CTSL: variants seen among roughly 807,000 people sequenced by gnomAD.
CTSL encodes cathepsin L, also known as procathepsin L.
A neutral mutation model predicts 34.7 loss-of-function variants in CTSL; 23 were observed. That is an observed-to-expected ratio of 0.66 (90% confidence interval 0.48 to 0.94). The LOEUF (loss-of-function observed/expected upper bound fraction) is 0.94. CTSL is among the 40% of genes least tolerant of loss of function. The pLI is 0.00. For synonymous variants in CTSL, 129 were observed against 136.7 expected, an observed-to-expected ratio of 0.94 and a Z score of 0.39; for missense variants, 361 against 406.3, an observed-to-expected ratio of 0.89 and a Z score of 0.96.
At position 87,731,090 on chromosome 9, in the gene CTSL, A is replaced by T. The variant is rs1358749441; in HGVS notation, c.985A>T (p.Ser329Cys). ...CCATTGTGGAATTGCCTCAGCAGCC[A>T]GCTACCCCACTGTGTGAGCTGGTGG... The part of the protein sequence containing the change: ...RNHCGIASAA[S>C]YPTV Residue 329 changes from serine to cysteine, a missense_variant, in exon 8 of 8, where the codon AGC becomes TGC. Transcript: ENST00000343150. The T allele has an allele frequency of 6.2e-7, 1 of 1,613,942 alleles. No homozygotes were observed. Among genetic ancestry groups the T allele is most frequent in the Admixed American group, 1.7e-5 (1 of 60,000 alleles).
At chr9:87,729,771 A>T (rs1177050359) in intron 6 of CTSL, 36 bp downstream of exon 6, 16 of 1,578,180 alleles carry the variant, frequency 1.0e-5, no homozygotes, top group African/African-American at 2.7e-5. Context: ...TTGATGCAGA[A>T]AAAGAGTATC....
rs1301604867 is a variant in CTSL at position 87,728,576 on chromosome 9, C to A, written c.397-9C>A. 1.8e-5 allele frequency: 28 copies of A among 1,598,002 alleles called. No individual in the cohort carries two copies. The highest frequency in any genetic ancestry group is 1.9e-5 in the Non-Finnish European group (22 of 1,174,202). ...TGTGGATGACAGCTTTTTTTAATTCCCTTTTCAGGGTCAGTGTGGTTCTTG... is the reference window on the plus strand; with the variant it reads ...TGTGGATGACAGCTTTTTTTAATTCACTTTTCAGGGTCAGTGTGGTTCTTG... On this transcript the variant is annotated splice_polypyrimidine_tract_variant and intron_variant, in intron 4 of 7. Transcript: ENST00000343150.
At position 87,728,121 on chromosome 9, in the gene CTSL, C is replaced by A. The variant is rs1296504467; in HGVS notation, c.221C>A (p.Thr74Lys). Reference sequence around the variant, plus strand: ...TACAGGGAAGGGAAACACAGCTTCACAATGGCCATGAACGCCTTTGGAGAC... The same window carrying A: ...TACAGGGAAGGGAAACACAGCTTCAAAATGGCCATGAACGCCTTTGGAGAC... ...QEYREGKHSFTMAMNAFGDMT... is the reference protein window; with the variant it reads ...QEYREGKHSFKMAMNAFGDMT... Residue 74 changes from threonine (T) to lysine (K), a missense_variant, in exon 3 of 8, where the codon ACA becomes AAA. Physicochemically the swap from Thr to Lys is moderately conservative, Grantham distance 78. Transcript: ENST00000343150. 3.7e-6 allele frequency: 6 copies of A among 1,614,210 alleles called. No individual in the cohort carries two copies. Among genetic ancestry groups the A allele is most frequent in the Admixed American group, 3.3e-5 (2 of 60,030 alleles).
chr9:87,731,118 G>A lies in CTSL; in HGVS notation c.*11G>A, dbSNP rs370032344. On this transcript the variant is annotated 3_prime_UTR_variant, in exon 8 of 8. Coordinates refer to ENST00000343150, the MANE Select transcript of CTSL (RefSeq NM_001912.5). ...TACCCCACTGTGTGAGCTGGTGGAC[G>A]GTGATGAGGAAGGACTTGACTGGGG... The A allele has an allele frequency of 4.2e-5, 67 of 1,608,940 alleles. 1 individual carries two copies. The South Asian group carries it at 4.3e-4, about 10-fold the overall frequency.
intron 1 of CTSL, among the ~76,000 whole-genome samples, chr9:87,726,987 C>T (rs1029758062): frequency 1.3e-5 from 2 of 151,730 alleles, no homozygotes; most frequent in Non-Finnish European, 1.5e-5. Flanking sequence ...TGCTGTGAGC[C>T]GATATCGCGC....
rs1825986548 is a variant in CTSL at position 87,726,265 on chromosome 9, C to G, written c.-144C>G. 1.3e-5 allele frequency: 2 copies of G among 152,574 alleles called. No homozygotes were observed. The highest frequency in any genetic ancestry group is 2.9e-5 in the Non-Finnish European group (2 of 68,216). 9.5% of individuals were successfully genotyped at this position (152,574 alleles called of 1,614,324 possible). On this transcript the variant is annotated 5_prime_UTR_variant, in exon 1 of 8. Transcript: ENST00000343150. ...ACGCGGTCGAGTAGGTGTGCACCAGCCCTGGCAACGAGAGCGTCTACCCCG... is the reference window on the plus strand; with the variant it reads ...ACGCGGTCGAGTAGGTGTGCACCAGGCCTGGCAACGAGAGCGTCTACCCCG...
chr9:87,728,543 T>C, intron 4 of CTSL, 42 bp from the exon 5 acceptor site: 1 of 1,585,930 alleles, frequency 6.3e-7, no homozygotes, highest in Non-Finnish European at 8.6e-7. Context: ...GTCTTATTAT[T>C]TTTTTTTTGT....
chr9:87,726,886 T>C (rs1304514258), intron 1 of CTSL, among the ~76,000 whole-genome samples: 4 of 151,608 alleles, frequency 2.6e-5, no homozygotes, highest in Non-Finnish European at 4.4e-5. Context: ...CTACTGAAAA[T>C]ACAAAATTAG....
At chr9:87,728,872 AAC>A in intron 5 of CTSL, 63 bp downstream of exon 5, 1 of 1,609,708 alleles carries the variant, frequency 6.2e-7, no homozygotes, top group African/African-American at 1.3e-5. Flanking sequence ...TTTAAGAGAT[AAC>A]AGATACCTTT....
In CTSL at chr9:87,731,131, G is replaced by C. The variant is rs1186612937; in HGVS notation, c.*24G>C. ...GAGCTGGTGGACGGTGATGAGGAAG[G>C]ACTTGACTGGGGATGGCGCATGCAT... On this transcript the variant is annotated 3_prime_UTR_variant, in exon 8 of 8. Coordinates refer to ENST00000343150, the MANE Select transcript of CTSL (RefSeq NM_001912.5). 6.3e-7 allele frequency: 1 copy of C among 1,589,358 alleles called. No homozygotes were observed. Among genetic ancestry groups the C allele is most frequent in the Non-Finnish European group, 8.6e-7 (1 of 1,158,298 alleles).
intron 5 of CTSL, among the ~76,000 whole-genome samples, chr9:87,729,370 A>T (rs1248395509): frequency 6.6e-6 from 1 of 152,206 alleles, no homozygotes; most frequent in Non-Finnish European, 1.5e-5. Flanking sequence ...TTATGGAAGT[A>T]AACCCAGAGG....
intron 2 of CTSL, 144 bp downstream of exon 2, chr9:87,727,873 T>C: frequency 7.2e-7 from 1 of 1,398,470 alleles, no homozygotes; most frequent in Non-Finnish European, 9.9e-7. Context: ...ACATTCATCC[T>C]TGTTGTGTCT....
At position 87,728,623 on chromosome 9, in the gene CTSL, T is replaced by C; in HGVS notation, c.435T>C (p.Gly145=). The change falls in exon 5 of 8, where the codon GGT becomes GGC. Residue 145 remains glycine (G), a synonymous_variant. Transcript: ENST00000343150. The part of the protein sequence containing the change: ...CGSCWAFSAT[G]ALEGQMFRKT... ...CTTGTTGGGCTTTTAGTGCTACTGGTGCTCTTGAAGGACAGATGTTCCGGA... is the reference window on the plus strand; with the variant it reads ...CTTGTTGGGCTTTTAGTGCTACTGGCGCTCTTGAAGGACAGATGTTCCGGA... 1 of 1,614,134 alleles carries C rather than the reference T, an allele frequency of 6.2e-7. No homozygotes were observed. Among genetic ancestry groups the C allele is most frequent in the Non-Finnish European group, 8.5e-7 (1 of 1,180,038 alleles).
Position 87,729,592 on chromosome 9 carries a change from A to G in CTSL, c.641A>G (p.Asn214Ser), listed in dbSNP as rs755506427. The change falls in exon 6 of 8, where the codon AAT becomes AGT. Residue 214 changes from asparagine to serine, a missense_variant. Physicochemically the swap from Asn to Ser is conservative, Grantham distance 46. Transcript: ENST00000343150. ...TGAAAGGAAGAATCCTGTAAGTACA[A>G]TCCCAAGTATTCTGTTGCTAATGAC... ...YEATEESCKY[N>S]PKYSVANDTG... The G allele has an allele frequency of 2.5e-6, 4 of 1,614,054 alleles. No individual in the cohort carries two copies. Among genetic ancestry groups the G allele is most frequent in the Non-Finnish European group, 3.4e-6 (4 of 1,180,004 alleles).
At chr9:87,730,244 A>G in intron 6 of CTSL, 137 bp from the exon 7 acceptor site, 1 of 504,360 alleles carries the variant, frequency 2.0e-6, no homozygotes, top group Non-Finnish European at 3.5e-6. Context: ...TGGCCTTCTT[A>G]TTGTTGTTAA....
At chr9:87,730,323 G>T in intron 6 of CTSL, 58 bp from the exon 7 acceptor site, 1 of 1,114,162 alleles carries the variant, frequency 9.0e-7, no homozygotes, top group Non-Finnish European at 1.3e-6. Context: ...TGACAGGATG[G>T]GTTACTGTCA....
At position 87,728,879 on chromosome 9, in the gene CTSL, A is replaced by G. The variant is rs886448867; in HGVS notation, c.621+70A>G. 2.1e-5 allele frequency: 33 copies of G among 1,604,422 alleles called. No homozygotes were observed. In the East Asian group the frequency reaches 5.2e-4, roughly 25 times the overall value. On this transcript the variant is annotated intron_variant, in intron 5 of 7. Coordinates refer to ENST00000343150, the MANE Select transcript of CTSL (RefSeq NM_001912.5). ...GTGGACACTTTAAGAGATAACAGAT[A>G]CCTTTTTCGGAATTCATATATTAGG...
chr9:87,726,841 G>A (rs1191578366), intron 1 of CTSL, among the ~76,000 whole-genome samples: 3 of 152,024 alleles, frequency 2.0e-5, no homozygotes, highest in Non-Finnish European at 2.9e-5. Context: ...TCAGTAGTTC[G>A]AGACCAGCCT....
At chr9:87,727,880 G>T in intron 2 of CTSL, 147 bp from the exon 3 acceptor site, 1 of 1,405,236 alleles carries the variant, frequency 7.1e-7, no homozygotes, top group Non-Finnish European at 9.9e-7. Flanking sequence ...TCCTTGTTGT[G>T]TCTCAGTTTG....
Sources: gnomAD v4.1 joint callset for allele counts (sites outside exome capture counted in the v4.1 genomes callset) on GRCh38, gnomAD v4.1.1 for gene constraint, MANE v1.5 for transcripts, NCBI Gene and HGNC (gene_info 2026-07-23, HGNC 2026-07-21) for gene names.